Variants in STX18 observed in about 807,000 individuals in gnomAD.
STX18 encodes syntaxin-18.
STX18 carries 40 observed loss-of-function variants against 50.1 expected under a neutral mutation model. That is an observed-to-expected ratio of 0.80 (90% CI 0.62 to 1.04). STX18 has a LOEUF of 1.04. STX18 is among the 50% of genes least tolerant of loss of function. The probability of loss-of-function intolerance (pLI) is 0.00; values close to 1 mark genes in which losing one functional copy is unlikely to be tolerated. For synonymous variants in STX18, 158 were observed against 151.8 expected, an observed-to-expected ratio of 1.04 and a Z score of -0.30; for missense variants, 410 against 415.8, an observed-to-expected ratio of 0.99 and a Z score of 0.12.
chr4:4,421,474 T>C (rs35747840), intron 9 of STX18, among the ~76,000 whole-genome samples: 21,511 of 152,130 alleles, frequency 0.14, 3,197 homozygotes, highest in African/African-American at 0.38. Flanking sequence ...AGGCTGGTCT[T>C]GAACTCTTGA....
chr4:4,425,203 C>G lies in STX18; in HGVS notation c.722G>C (p.Arg241Pro). 1 of 1,614,150 alleles carries G rather than the reference C, an allele frequency of 6.2e-7. No individual in the cohort carries two copies. Among genetic ancestry groups the G allele is most frequent in the African/African-American group, 1.3e-5 (1 of 75,050 alleles). The part of the protein sequence containing the change: ...EIQMFEQENQ[R>P]LIGEMNSLFD... ...CAAGCTGTTCATTTCACCAATTAGTCGCTGATTTTCCTGTTCAAACTGTGA... is the reference window on the plus strand; with the variant it reads ...CAAGCTGTTCATTTCACCAATTAGTGGCTGATTTTCCTGTTCAAACTGTGA... Residue 241 changes from arginine (R) to proline (P), a missense_variant, in exon 8 of 11, where the codon CGA (arginine) becomes CCA (proline). Coordinates refer to ENST00000306200, the MANE Select transcript of STX18 (RefSeq NM_016930.4).
rs1727266467 is a variant in STX18, at chr4:4,459,502, CAAAGG to C, written c.237-20_237-16del. On this transcript the variant is annotated splice_polypyrimidine_tract_variant and intron_variant, in intron 2 of 10. Transcript: ENST00000306200. Reference sequence around the variant, plus strand: ...ACATGGTATGGCTAAAAAAAGACAGCAAAGGAAAGGGCAGCAGCAAATGAGAACAT... The same window carrying C: ...ACATGGTATGGCTAAAAAAAGACAGCAAAGGGCAGCAGCAAATGAGAACAT... 1 of 1,578,884 alleles carries C rather than the reference CAAAGG, an allele frequency of 6.3e-7. No individual in the cohort carries two copies. The highest frequency in any genetic ancestry group is 1.3e-5 in the African/African-American group (1 of 74,108).
chr4:4,433,057 G>A (rs1725591569), intron 7 of STX18, among the ~76,000 whole-genome samples: 1 of 152,236 alleles, frequency 6.6e-6, no homozygotes. Flanking sequence ...TGGAAAAAAA[G>A]CACAGGTTGG....
intron 9 of STX18, among the ~76,000 whole-genome samples, chr4:4,421,607 C>T (rs549866584): frequency 1.3e-5 from 2 of 152,244 alleles, no homozygotes; most frequent in Admixed American, 6.5e-5. Flanking sequence ...ATCCCTCCTG[C>T]GCCACTCGCC....
chr4:4,508,628 T>G (rs1009111754), intron 1 of STX18, among the ~76,000 whole-genome samples: 1 of 152,130 alleles, frequency 6.6e-6, no homozygotes, highest in African/African-American at 2.4e-5. Flanking sequence ...TGTGCCGTGG[T>G]GGTTTGCTGC....
chr4:4,495,182 G>T (rs567411361), intron 1 of STX18, among the ~76,000 whole-genome samples: 1 of 152,158 alleles, frequency 6.6e-6, no homozygotes, highest in Non-Finnish European at 1.5e-5. Flanking sequence ...GAAAGATATA[G>T]TACATGCCTC....
chr4:4,420,512 G>C lies in STX18; in HGVS notation c.912+352C>G. 2.5e-6 allele frequency: 1 copy of C among 398,716 alleles called. No individual in the cohort carries two copies. The highest frequency in any genetic ancestry group is 4.6e-6 in the Non-Finnish European group (1 of 218,838). 24.7% of individuals were successfully genotyped at this position (398,716 alleles called of 1,614,324 possible). A position where few individuals can be genotyped will look rare whatever the true frequency, so the allele number is the denominator to read the frequency against. On this transcript the variant is annotated intron_variant, in intron 10 of 10. Transcript: ENST00000306200. The surrounding 1 kb of genome is among the most constrained non-coding windows in gnomAD (Gnocchi z 4.3). Reference sequence around the variant, plus strand: ...CAGTCCCCTCAACAGGATGGCTGTAGTGTCCTCTGTAAGCAGGGGCCAGGC... The same window carrying C: ...CAGTCCCCTCAACAGGATGGCTGTACTGTCCTCTGTAAGCAGGGGCCAGGC...
Position 4,541,834 on chromosome 4 carries a change from C to A in STX18, c.131G>T (p.Arg44Leu), listed in dbSNP as rs2108941399. Residue 44 changes from arginine to leucine, a missense_variant, in exon 1 of 11, where the codon CGG becomes CTG. By Grantham distance (102) the Arg-to-Leu change is moderately radical. Coordinates refer to ENST00000306200, the MANE Select transcript of STX18 (RefSeq NM_016930.4). Reference sequence around the variant, plus strand: ...CCGGCTGGAGAAGTCGCCCTTGGGCCGGGGGCTCCGGCGGAACAGCTCGTC... The same window carrying A: ...CCGGCTGGAGAAGTCGCCCTTGGGCAGGGGGCTCCGGCGGAACAGCTCGTC... Reference protein sequence around the residue: ...SRDELFRRSPRPKGDFSSRAR... With the variant: ...SRDELFRRSPLPKGDFSSRAR... 1 of 1,611,102 alleles carries A rather than the reference C, an allele frequency of 6.2e-7. No individual in the cohort carries two copies. Among genetic ancestry groups the A allele is most frequent in the East Asian group, 2.2e-5 (1 of 44,788 alleles).
intron 7 of STX18, among the ~76,000 whole-genome samples, chr4:4,430,853 G>C (rs1165368658): frequency 6.6e-6 from 1 of 152,210 alleles, no homozygotes. Context: ...ATTCTGAAGA[G>C]ATCACTGATG....
intron 7 of STX18, among the ~76,000 whole-genome samples, chr4:4,434,026 C>A (rs527659413): frequency 1.3e-5 from 2 of 152,308 alleles, no homozygotes; most frequent in Admixed American, 6.5e-5. Flanking sequence ...AAATGAGAAT[C>A]AAAAAGTTTT....
chr4:4,461,161 A>G (rs1358850526), intron 2 of STX18, among the ~76,000 whole-genome samples: 1 of 152,246 alleles, frequency 6.6e-6, no homozygotes, highest in African/African-American at 2.4e-5. Flanking sequence ...GGTTAATTTG[A>G]TAAAACTGAT....
intron 7 of STX18, among the ~76,000 whole-genome samples, chr4:4,432,209 C>T (rs1390791299): frequency 2.6e-5 from 4 of 152,200 alleles, no homozygotes; most frequent in African/African-American, 4.8e-5. Context: ...CTAATGGTAC[C>T]ATCACTGGAA....
At chr4:4,510,999 G>A (rs1294704918) in intron 1 of STX18, among the ~76,000 whole-genome samples, 1 of 152,266 alleles carries the variant, frequency 6.6e-6, no homozygotes, top group African/African-American at 2.4e-5. Flanking sequence ...ACTGGAGCCT[G>A]TTGTGGGGTG....
intron 5 of STX18, among the ~76,000 whole-genome samples, chr4:4,455,512 G>A (rs1727018159): frequency 6.6e-6 from 1 of 152,230 alleles, no homozygotes; most frequent in Admixed American, 6.5e-5. Context: ...ACCCTTGCCT[G>A]GCATCTGAGA....
chr4:4,488,591 C>T (rs1692943856), intron 1 of STX18, among the ~76,000 whole-genome samples: 1 of 152,194 alleles, frequency 6.6e-6, no homozygotes, highest in African/African-American at 2.4e-5. Flanking sequence ...GTGGTGCTCT[C>T]CACCACACTG....
intron 1 of STX18, among the ~76,000 whole-genome samples, chr4:4,518,308 A>G (rs1730372624): frequency 6.6e-6 from 1 of 152,230 alleles, no homozygotes; most frequent in Non-Finnish European, 1.5e-5. Context: ...GAAAATTATT[A>G]ACAATGTTCG....
intron 5 of STX18, among the ~76,000 whole-genome samples, chr4:4,448,228 C>G (rs1377514127): frequency 2.0e-5 from 3 of 152,218 alleles, no homozygotes; most frequent in Non-Finnish European, 2.9e-5. Context: ...ACTCCTTAAA[C>G]CACTGGTTTA....
intron 1 of STX18, among the ~76,000 whole-genome samples, chr4:4,519,366 T>G (rs977891859): frequency 2.6e-5 from 4 of 152,138 alleles, no homozygotes; most frequent in Non-Finnish European, 5.9e-5. Flanking sequence ...AAGGAACACT[T>G]TAAATAACCT....
intron 1 of STX18, among the ~76,000 whole-genome samples, chr4:4,496,635 G>A (rs1177630452): frequency 6.6e-6 from 1 of 152,140 alleles, no homozygotes; most frequent in Non-Finnish European, 1.5e-5. Flanking sequence ...TTTATAATCA[G>A]GAGCTTCTGC....
Sources: gnomAD v4.1 joint callset for allele counts (sites outside exome capture counted in the v4.1 genomes callset) on GRCh38, gnomAD v4.1.1 for gene constraint, Gnocchi (gnomAD v3.1) non-coding constraint, MANE v1.5 for transcripts, NCBI Gene and HGNC (gene_info 2026-07-23, HGNC 2026-07-21) for gene names.